Variants in ZDHHC12 observed in about 807,000 individuals in gnomAD.
ZDHHC12 encodes palmitoyltransferase ZDHHC12.
A neutral mutation model predicts 33.2 loss-of-function variants in ZDHHC12; 26 were observed. The observed-to-expected ratio is 0.78, with a 90% CI of 0.57 to 1.09. The LOEUF is 1.09. Ranked by LOEUF, ZDHHC12 falls within the 50% of genes least tolerant of loss-of-function variation. The pLI, the probability that ZDHHC12 is intolerant of heterozygous loss-of-function variation, is 0.00. For missense variants in ZDHHC12, 350 were observed against 353.0 expected, an observed-to-expected ratio of 0.99 and a Z score of 0.07; for synonymous variants, 154 against 152.1, an observed-to-expected ratio of 1.01 and a Z score of -0.09.
At position 128,722,115 on chromosome 9, in the gene ZDHHC12, G is replaced by A. The variant is rs771180698; in HGVS notation, c.238-29C>T. 3.7e-6 allele frequency: 6 copies of A among 1,613,372 alleles called. No homozygotes were observed. Among genetic ancestry groups the A allele is most frequent in the Non-Finnish European group, 5.1e-6 (6 of 1,179,586 alleles). On this transcript the variant is annotated intron_variant, in intron 2 of 4. Transcript: ENST00000372663. This position sits in a 1 kb window ranked among gnomAD's most constrained non-coding sequence, Gnocchi z 4.2. ...GAATGAGGGGTGGGGTGTAAGACAG[G>A]GTCCCCTTGGGAGACAGATGGCATT...
rs1862612780 is a variant in ZDHHC12, at chr9:128,722,890, A to G, written c.101-316T>C. Reference sequence around the variant, plus strand: ...CGCTACAAAGGCCTGGCAGGAAGTGAGGGAGGAAGGAATGGACAGGGGGCT... The same window carrying G: ...CGCTACAAAGGCCTGGCAGGAAGTGGGGGAGGAAGGAATGGACAGGGGGCT... On this transcript the variant is annotated intron_variant, in intron 1 of 4. Transcript: ENST00000372663. The surrounding 1 kb of genome is among the most constrained non-coding windows in gnomAD (Gnocchi z 4.2). 1 of 624,950 alleles carries G rather than the reference A, an allele frequency of 1.6e-6. No individual in the cohort carries two copies. Among genetic ancestry groups the G allele is most frequent in the South Asian group, 2.7e-5 (1 of 37,112 alleles). The allele number at this position is 624,950 out of a possible 1,614,324, so 38.7% of individuals were successfully genotyped here.
In ZDHHC12 at chr9:128,722,484, A is replaced by C. The variant is rs914104800; in HGVS notation, c.191T>G (p.Val64Gly). 5.1e-6 allele frequency: 8 copies of C among 1,565,280 alleles called. No homozygotes were observed. Among genetic ancestry groups the C allele is most frequent in the Admixed American group, 3.8e-5 (2 of 52,862 alleles). The change falls in exon 2 of 5, where the codon GTG becomes GGG. Residue 64 changes from valine (V) to glycine (G), a missense_variant. By Grantham distance (109) the Val-to-Gly change is moderately radical. Coordinates refer to ENST00000372663, the MANE Select transcript of ZDHHC12 (RefSeq NM_032799.5). This position sits in a 1 kb window ranked among gnomAD's most constrained non-coding sequence, Gnocchi z 4.2. ...VLGSLLLYLAVSLMDPGYVNV... is the reference protein window; with the variant it reads ...VLGSLLLYLAGSLMDPGYVNV... The stretch of plus-strand genomic sequence containing the variant: ...CACGTAGCCAGGGTCCATGAGTGAC[A>C]CAGCGAGGTAGAGCAGCAGGGAGCC...
At position 128,722,600 on chromosome 9, in the gene ZDHHC12, G is replaced by A. The variant is rs1862601033; in HGVS notation, c.101-26C>T. 2 of 1,585,102 alleles carry A rather than the reference G, an allele frequency of 1.3e-6. No homozygotes were observed. Among genetic ancestry groups the A allele is most frequent in the South Asian group, 1.1e-5 (1 of 87,074 alleles). The stretch of plus-strand genomic sequence containing the variant: ...CTGGAGAGGCCGGAGAGCACAGTGA[G>A]GCTGGGCCGGGTAGAACAGGAGTGG... On this transcript the variant is annotated intron_variant, in intron 1 of 4. Transcript: ENST00000372663. The surrounding 1 kb of genome is among the most constrained non-coding windows in gnomAD (Gnocchi z 4.2).
chr9:128,723,989 C>G lies in ZDHHC12; in HGVS notation c.100+5G>C, dbSNP rs755510606. 1.5e-5 allele frequency: 24 copies of G among 1,611,094 alleles called. No homozygotes were observed. The highest frequency in any genetic ancestry group is 2.0e-5 in the Non-Finnish European group (24 of 1,178,606). On this transcript the variant is annotated splice_donor_5th_base_variant and intron_variant, in intron 1 of 4. Coordinates refer to ENST00000372663, the MANE Select transcript of ZDHHC12 (RefSeq NM_032799.5). The surrounding 1 kb of genome is among the most constrained non-coding windows in gnomAD (Gnocchi z 4.4). The stretch of plus-strand genomic sequence containing the variant: ...GGGTCCGGGGTCGCTCGGGGTCCGG[C>G]TCACCGGTATCGTGCAGGAAGAGCA...
At position 128,721,324 on chromosome 9, in the gene ZDHHC12, C is replaced by T. The variant is rs1195325491; in HGVS notation, c.661G>A (p.Ala221Thr). The T allele has an allele frequency of 6.9e-6, 11 of 1,593,090 alleles. No homozygotes were observed. Among genetic ancestry groups the T allele is most frequent in the South Asian group, 1.1e-5 (1 of 87,844 alleles). ...TWEFISSHRI[A>T]YLRQRPSNPF... ...TTGCTGGGGCGCTGGCGGAGATAGGCGATGCGGTGTGAGGAGATGAATTCC... is the reference window on the plus strand; with the variant it reads ...TTGCTGGGGCGCTGGCGGAGATAGGTGATGCGGTGTGAGGAGATGAATTCC... Residue 221 changes from alanine (A) to threonine (T), a missense_variant, in exon 5 of 5, where the codon GCC (alanine) becomes ACC (threonine). Physicochemically the swap from Ala to Thr is moderately conservative, Grantham distance 58 (BLOSUM62 0). Transcript: ENST00000372663. This position sits in a 1 kb window ranked among gnomAD's most constrained non-coding sequence, Gnocchi z 6.9.
At position 128,723,773 on chromosome 9, in the gene ZDHHC12, A is replaced by C. The variant is rs1044343495; in HGVS notation, c.100+221T>G. On this transcript the variant is annotated intron_variant, in intron 1 of 4. Coordinates refer to ENST00000372663, the MANE Select transcript of ZDHHC12 (RefSeq NM_032799.5). The surrounding 1 kb of genome is among the most constrained non-coding windows in gnomAD (Gnocchi z 4.4). ...TCCTGGGATGGACAGGGCATTTGGCAATGATCAGGAAGATGCTGGGATTAA... is the reference window on the plus strand; with the variant it reads ...TCCTGGGATGGACAGGGCATTTGGCCATGATCAGGAAGATGCTGGGATTAA... 41 of 699,618 alleles carry C rather than the reference A, an allele frequency of 5.9e-5. No individual in the cohort carries two copies. Among genetic ancestry groups the C allele is most frequent in the Middle Eastern group, 3.8e-4 (1 of 2,664 alleles). 43.3% of individuals were successfully genotyped at this position (699,618 alleles called of 1,614,324 possible).
Position 128,721,988 on chromosome 9 carries a change from G to A in ZDHHC12, c.315+21C>T, listed in dbSNP as rs372831517. Reference sequence around the variant, plus strand: ...TCAGCTTTGGCCCAACCTCTCCCACGGGTGTCCGTGCATCACTCACCAGCA... The same window carrying A: ...TCAGCTTTGGCCCAACCTCTCCCACAGGTGTCCGTGCATCACTCACCAGCA... On this transcript the variant is annotated intron_variant, in intron 3 of 4. Transcript: ENST00000372663. The surrounding 1 kb of genome is among the most constrained non-coding windows in gnomAD (Gnocchi z 6.9). 3.5e-5 allele frequency: 56 copies of A among 1,613,804 alleles called. No individual in the cohort carries two copies. Among genetic ancestry groups the A allele is most frequent in the Middle Eastern group, 1.6e-4 (1 of 6,078 alleles).
Position 128,722,624 on chromosome 9 carries a change from G to A in ZDHHC12, c.101-50C>T. On this transcript the variant is annotated intron_variant, in intron 1 of 4. Coordinates refer to ENST00000372663, the MANE Select transcript of ZDHHC12 (RefSeq NM_032799.5). This position sits in a 1 kb window ranked among gnomAD's most constrained non-coding sequence, Gnocchi z 4.2. The stretch of plus-strand genomic sequence containing the variant: ...AGGCTGGGCCGGGTAGAACAGGAGT[G>A]GGTGGGGTTGGGGTGCAGTTGGAGG... 6.4e-7 allele frequency: 1 copy of A among 1,567,556 alleles called. No individual in the cohort carries two copies. Among genetic ancestry groups the A allele is most frequent in the Non-Finnish European group, 8.7e-7 (1 of 1,155,764 alleles).
chr9:128,721,335 G>A lies in ZDHHC12; in HGVS notation c.650C>T (p.Ser217Leu). Residue 217 changes from serine (S) to leucine (L), a missense_variant, in exon 5 of 5, where the codon TCA becomes TTA. Physicochemically the swap from Ser to Leu is moderately radical, Grantham distance 145 (BLOSUM62 -2). Coordinates refer to ENST00000372663, the MANE Select transcript of ZDHHC12 (RefSeq NM_032799.5). The surrounding 1 kb of genome is among the most constrained non-coding windows in gnomAD (Gnocchi z 6.9). The stretch of plus-strand genomic sequence containing the variant: ...CTGGCGGAGATAGGCGATGCGGTGT[G>A]AGGAGATGAATTCCCAGGTGGTGGT... ...SNTTTWEFIS[S>L]HRIAYLRQRP... 1.3e-6 allele frequency: 2 copies of A among 1,592,790 alleles called. No individual in the cohort carries two copies. Among genetic ancestry groups the A allele is most frequent in the Non-Finnish European group, 1.7e-6 (2 of 1,169,734 alleles).
At position 128,722,370 on chromosome 9, in the gene ZDHHC12, A is replaced by G. The variant is rs969442587; in HGVS notation, c.237+68T>C. The G allele has an allele frequency of 2.1e-6, 3 of 1,452,008 alleles. No individual in the cohort carries two copies. The Admixed American group carries it at 8.2e-5, about 40-fold the overall frequency. 89.9% of individuals were successfully genotyped at this position (1,452,008 alleles called of 1,614,324 possible). ...CTGCTCCCACAAGAGCCTGCAGCAC[A>G]GAGCCTGGCATGGAGACTGGTGCTG... is the stretch of plus-strand genomic sequence containing the variant. On this transcript the variant is annotated intron_variant, in intron 2 of 4. Transcript: ENST00000372663. This position sits in a 1 kb window ranked among gnomAD's most constrained non-coding sequence, Gnocchi z 4.2.
At position 128,722,138 on chromosome 9, in the gene ZDHHC12, A is replaced by G; in HGVS notation, c.238-52T>C. 6.2e-7 allele frequency: 1 copy of G among 1,607,508 alleles called. No individual in the cohort carries two copies. The highest frequency in any genetic ancestry group is 8.5e-7 in the Non-Finnish European group (1 of 1,174,554). On this transcript the variant is annotated intron_variant, in intron 2 of 4. Transcript: ENST00000372663. This position sits in a 1 kb window ranked among gnomAD's most constrained non-coding sequence, Gnocchi z 4.2. ...AGGGTCCCCTTGGGAGACAGATGGC[A>G]TTGGCGGGCAGCTCCCCTAGGGGCC...
chr9:128,723,575 G>T lies in ZDHHC12; in HGVS notation c.100+419C>A. The T allele has an allele frequency of 3.5e-6, 1 of 289,184 alleles. No individual in the cohort carries two copies. Among genetic ancestry groups the T allele is most frequent in the Non-Finnish European group, 6.5e-6 (1 of 154,226 alleles). 17.9% of individuals were successfully genotyped at this position (289,184 alleles called of 1,614,324 possible). A position where few individuals can be genotyped will look rare whatever the true frequency, so the allele number is the denominator to read the frequency against. ...TGGACTTGGGCAGCTAGTGGCCATG[G>T]GGGTGTGGGGGGTGTGGGTGTGGGC... On this transcript the variant is annotated intron_variant, in intron 1 of 4. Transcript: ENST00000372663. The surrounding 1 kb of genome is among the most constrained non-coding windows in gnomAD (Gnocchi z 4.4).
rs771163636 is a variant in ZDHHC12, at chr9:128,722,081, C to T, written c.243G>A (p.Glu81=). 5.6e-5 allele frequency: 90 copies of T among 1,613,906 alleles called. No homozygotes were observed. The highest frequency in any genetic ancestry group is 6.7e-5 in the Non-Finnish European group (79 of 1,179,988). ...YVNVQPQPQE[E]LKEEQTAMVP... ...CCATGGCTGTCTGCTCCTCTTTGAG[C>T]TCCTCCTGGAATGAGGGGTGGGGTG... is the stretch of plus-strand genomic sequence containing the variant. Residue 81 remains glutamate, a synonymous_variant, in exon 3 of 5, where the codon GAG becomes GAA. Coordinates refer to ENST00000372663, the MANE Select transcript of ZDHHC12 (RefSeq NM_032799.5). The surrounding 1 kb of genome is among the most constrained non-coding windows in gnomAD (Gnocchi z 4.2).
In ZDHHC12 at chr9:128,722,955, G is replaced by A; in HGVS notation, c.101-381C>T. 3 of 263,860 alleles carry A rather than the reference G, an allele frequency of 1.1e-5. No homozygotes were observed. The highest frequency in any genetic ancestry group is 5.0e-5 in the South Asian group (1 of 19,850). 16.3% of individuals were successfully genotyped at this position (263,860 alleles called of 1,614,324 possible). ...GCCAGACCTGACTGGATGTGGGAGA[G>A]AGGGAAGAGGGGTCCAGCGTCTCTG... On this transcript the variant is annotated intron_variant, in intron 1 of 4. Coordinates refer to ENST00000372663, the MANE Select transcript of ZDHHC12 (RefSeq NM_032799.5). This position sits in a 1 kb window ranked among gnomAD's most constrained non-coding sequence, Gnocchi z 4.2.
In ZDHHC12 at chr9:128,722,790, G is replaced by T; in HGVS notation, c.101-216C>A. The T allele has an allele frequency of 7.2e-7, 1 of 1,392,376 alleles. No individual in the cohort carries two copies. Among genetic ancestry groups the T allele is most frequent in the Non-Finnish European group, 9.4e-7 (1 of 1,066,002 alleles). The allele number at this position is 1,392,376 out of a possible 1,614,324, so 86.3% of individuals were successfully genotyped here. ...AGGTTATAGAGCCAGATCTGTTTTGGAAAACCTCATTGCTAAAGAAATGGA... is the reference window on the plus strand; with the variant it reads ...AGGTTATAGAGCCAGATCTGTTTTGTAAAACCTCATTGCTAAAGAAATGGA... On this transcript the variant is annotated intron_variant, in intron 1 of 4. Transcript: ENST00000372663. This position sits in a 1 kb window ranked among gnomAD's most constrained non-coding sequence, Gnocchi z 4.2.
chr9:128,720,880 A>G lies in ZDHHC12; in HGVS notation c.*301T>C, dbSNP rs528140930. On this transcript the variant is annotated 3_prime_UTR_variant, in exon 5 of 5. Coordinates refer to ENST00000372663, the MANE Select transcript of ZDHHC12 (RefSeq NM_032799.5). This position sits in a 1 kb window ranked among gnomAD's most constrained non-coding sequence, Gnocchi z 5.5. Reference sequence around the variant, plus strand: ...AAGGAGTGATATGGTTTGTCTTTTTAAGACTGGACTTGCTTTATATTAAAT... The same window carrying G: ...AAGGAGTGATATGGTTTGTCTTTTTGAGACTGGACTTGCTTTATATTAAAT... 129 of 574,780 alleles carry G rather than the reference A, an allele frequency of 2.2e-4. No individual in the cohort carries two copies. The highest frequency in any genetic ancestry group is 5.1e-4 in the Admixed American group (16 of 31,086). The allele number at this position is 574,780 out of a possible 1,614,324, so 35.6% of individuals were successfully genotyped here.
At position 128,721,145 on chromosome 9, in the gene ZDHHC12, T is replaced by C. The variant is rs1862532222; in HGVS notation, c.*36A>G. The C allele has an allele frequency of 1.3e-6, 2 of 1,501,554 alleles. No homozygotes were observed. Among genetic ancestry groups the C allele is most frequent in the Non-Finnish European group, 1.8e-6 (2 of 1,129,940 alleles). The allele number at this position is 1,501,554 out of a possible 1,614,324, so 93.0% of individuals were successfully genotyped here. ...CCAGCTGGGGACAGGCCCCGTGGTT[T>C]TCAGGCACAAGACGGTAGCCCGGCC... On this transcript the variant is annotated 3_prime_UTR_variant, in exon 5 of 5. Coordinates refer to ENST00000372663, the MANE Select transcript of ZDHHC12 (RefSeq NM_032799.5). This position sits in a 1 kb window ranked among gnomAD's most constrained non-coding sequence, Gnocchi z 6.9.
chr9:128,721,532 T>TG lies in ZDHHC12; in HGVS notation c.483-31dup, dbSNP rs772639795. On this transcript the variant is annotated intron_variant, in intron 4 of 4. Transcript: ENST00000372663. This position sits in a 1 kb window ranked among gnomAD's most constrained non-coding sequence, Gnocchi z 6.9. ...GGTGCAGGGGACAGGGGCCTGGTGC[T>TG]GGGGGAGGGCAGGGGAGCCCTTCCC... 4 of 1,595,558 alleles carry TG rather than the reference T, an allele frequency of 2.5e-6. No individual in the cohort carries two copies. Among genetic ancestry groups the TG allele is most frequent in the Non-Finnish European group, 3.4e-6 (4 of 1,169,464 alleles).
Position 128,723,860 on chromosome 9 carries a change from G to A in ZDHHC12, c.100+134C>T. The A allele has an allele frequency of 7.4e-7, 1 of 1,347,076 alleles. No individual in the cohort carries two copies. Among genetic ancestry groups the A allele is most frequent in the Non-Finnish European group, 1.0e-6 (1 of 987,932 alleles). The allele number at this position is 1,347,076 out of a possible 1,614,324, so 83.4% of individuals were successfully genotyped here. Reference sequence around the variant, plus strand: ...GCTCTTGGAATGATAGATGGGGAGAGGGCTTCAGGAGCTGGTGGAGATCGG... The same window carrying A: ...GCTCTTGGAATGATAGATGGGGAGAAGGCTTCAGGAGCTGGTGGAGATCGG... On this transcript the variant is annotated intron_variant, in intron 1 of 4. Coordinates refer to ENST00000372663, the MANE Select transcript of ZDHHC12 (RefSeq NM_032799.5). This position sits in a 1 kb window ranked among gnomAD's most constrained non-coding sequence, Gnocchi z 4.4.
Sources: gnomAD v4.1 joint callset for allele counts on GRCh38, gnomAD v4.1.1 for gene constraint, Gnocchi (gnomAD v3.1) non-coding constraint, MANE v1.5 for transcripts, NCBI Gene and HGNC (gene_info 2026-07-23, HGNC 2026-07-21) for gene names.